Variants in SIM2 observed in about 807,000 individuals in gnomAD.
SIM2 encodes the protein SIM bHLH transcription factor 2.
SIM2 carries 28 observed loss-of-function variants against 64.8 expected under a neutral mutation model. That is an observed-to-expected ratio of 0.43 (90% CI 0.32 to 0.59). SIM2 has a LOEUF of 0.59. SIM2 is among the 20% of genes least tolerant of loss of function. The pLI is 0.07. For synonymous variants in SIM2, 408 were observed against 391.1 expected, an observed-to-expected ratio of 1.04 and a Z score of -0.51; for missense variants, 847 against 871.4, an observed-to-expected ratio of 0.97 and a Z score of 0.35.
Position 36,747,859 on chromosome 21 carries a change from G to A in SIM2, c.1771G>A (p.Ala591Thr), listed in dbSNP as rs1195377905. The A allele has an allele frequency of 8.6e-6, 9 of 1,041,552 alleles. No individual in the cohort carries two copies. The highest frequency in any genetic ancestry group is 1.0e-5 in the Non-Finnish European group (9 of 864,112). The allele number at this position is 1,041,552 out of a possible 1,614,324, so 64.5% of individuals were successfully genotyped here. A position where few individuals can be genotyped will look rare whatever the true frequency, so the allele number is the denominator to read the frequency against. ...GCCCCCGACCCCCGAGGCCCCGGGC[G>A]CGCCGGCGCAGCTGCCCTTCGTGCT... ...CAPPTPEAPG[A>T]PAQLPFVLLN... is the part of the protein sequence containing the mutation. Residue 591 changes from alanine to threonine, a missense_variant, in exon 11 of 11, where the codon GCG becomes ACG. This residue lies in a region of SIM2 where 447 missense variants were observed against 414.6 expected (regional missense o/e 1.08). Coordinates refer to ENST00000290399, the MANE Select transcript of SIM2 (RefSeq NM_005069.6). This position sits in a 1 kb window ranked among gnomAD's most constrained non-coding sequence, Gnocchi z 4.5.
In SIM2 at chr21:36,741,786, T is replaced by C; in HGVS notation, c.920T>C (p.Val307Ala). 1 of 1,612,798 alleles carries C rather than the reference T, an allele frequency of 6.2e-7. No homozygotes were observed. The highest frequency in any genetic ancestry group is 8.5e-7 in the Non-Finnish European group (1 of 1,179,834). ...TCCAAGCGGGGCGGCTGGGTGTGGGTGCAGAGCTACGCCACCGTGGTGCAC... is the reference window on the plus strand; with the variant it reads ...TCCAAGCGGGGCGGCTGGGTGTGGGCGCAGAGCTACGCCACCGTGGTGCAC... ...LLSKRGGWVW[V>A]QSYATVVHNS... Residue 307 changes from valine to alanine, a missense_variant, in exon 8 of 11, where the codon GTG (valine) becomes GCG (alanine). By Grantham distance (64) the Val-to-Ala change is moderately conservative. Around this residue, in one of 3 missense-constraint regions of SIM2, gnomAD observed 397 missense variants for 439.2 expected, o/e 0.90. Coordinates refer to ENST00000290399, the MANE Select transcript of SIM2 (RefSeq NM_005069.6).
At position 36,699,600 on chromosome 21, in the gene SIM2, G is replaced by A; in HGVS notation, c.-147G>A. ...CTGCGGGGAGGCGTCTCGGAACCCC[G>A]GGAGGCCCCCCGCACCTGCCCGCGG... On this transcript the variant is annotated 5_prime_UTR_variant, in exon 1 of 11. Coordinates refer to ENST00000290399, the MANE Select transcript of SIM2 (RefSeq NM_005069.6). The surrounding 1 kb of genome is among the most constrained non-coding windows in gnomAD (Gnocchi z 5.6). The A allele has an allele frequency of 1.3e-6, 1 of 783,878 alleles. No homozygotes were observed. The highest frequency in any genetic ancestry group is 1.9e-6 in the Non-Finnish European group (1 of 534,196). The allele number at this position is 783,878 out of a possible 1,614,324, so 48.6% of individuals were successfully genotyped here.
chr21:36,748,633 A>AT lies in SIM2; in HGVS notation c.*546dup, dbSNP rs894042395. ...TTAAAAGTCATTCAAGAGTCTCATT[A>AT]TTTTTGTTTTTATTTAACCCTTTCT... On this transcript the variant is annotated 3_prime_UTR_variant, in exon 11 of 11. Transcript: ENST00000290399. 3.3e-5 allele frequency: 5 copies of AT among 152,318 alleles called. No individual in the cohort carries two copies. The highest frequency in any genetic ancestry group is 1.2e-4 in the African/African-American group (5 of 41,458). 9.4% of individuals were successfully genotyped at this position (152,318 alleles called of 1,614,324 possible).
At chr21:36,735,350 T>C (rs2089028845) in intron 7 of SIM2, among the ~76,000 whole-genome samples, 1 of 152,252 alleles carries the variant, frequency 6.6e-6, no homozygotes. Context: ...TCATCCAGGC[T>C]GTGTTAAGAT....
chr21:36,703,795 A>G (rs1337685377), intron 1 of SIM2, among the ~76,000 whole-genome samples: 1 of 152,230 alleles, frequency 6.6e-6, no homozygotes, highest in Non-Finnish European at 1.5e-5. Context: ...GGGCTTTGGA[A>G]ACTGCAAAAG....
At position 36,709,209 on chromosome 21, in the gene SIM2, C is replaced by A; in HGVS notation, c.217C>A (p.Leu73Met). Residue 73 changes from leucine (L) to methionine (M), a missense_variant, in exon 2 of 11, where the codon CTG (leucine) becomes ATG (methionine). Physicochemically the swap from Leu to Met is conservative, Grantham distance 15. Coordinates refer to ENST00000290399, the MANE Select transcript of SIM2 (RefSeq NM_005069.6). Reference sequence around the variant, plus strand: ...GGGACAGCCGAGCCGCGCCGGGCCCCTGGACGGCGTCGCCAAGGAGCTGGG... The same window carrying A: ...GGGACAGCCGAGCCGCGCCGGGCCCATGGACGGCGTCGCCAAGGAGCTGGG... Reference protein sequence around the residue: ...AWGQPSRAGPLDGVAKELGSH... With the variant: ...AWGQPSRAGPMDGVAKELGSH... The A allele has an allele frequency of 6.2e-7, 1 of 1,610,600 alleles. No homozygotes were observed. Among genetic ancestry groups the A allele is most frequent in the Non-Finnish European group, 8.5e-7 (1 of 1,178,902 alleles).
chr21:36,731,922 G>A (rs1320759655), intron 7 of SIM2, among the ~76,000 whole-genome samples: 2 of 152,064 alleles, frequency 1.3e-5, no homozygotes, highest in Admixed American at 1.3e-4. Flanking sequence ...TTGTTCTGTT[G>A]CCCAGGCTGG....
At chr21:36,738,531 G>T (rs1454934116) in intron 7 of SIM2, among the ~76,000 whole-genome samples, 1 of 152,226 alleles carries the variant, frequency 6.6e-6, no homozygotes, top group Non-Finnish European at 1.5e-5. Flanking sequence ...GGCAAAAATC[G>T]CAAGTACTTC....
At chr21:36,720,320 TG>T (rs2088808058) in intron 4 of SIM2, 2 of 176,996 alleles carry the variant, frequency 1.1e-5, no homozygotes, top group South Asian at 3.6e-4. Context: ...TGACATTTCA[TG>T]GGGAAAATTA....
chr21:36,723,243 T>A (rs532791310), intron 5 of SIM2, 113 bp downstream of exon 5: 33 of 810,444 alleles, frequency 4.1e-5, no homozygotes, highest in Admixed American at 3.1e-4. Context: ...TCCCCACTAA[T>A]GTAGAGCTCT....
rs111561480 is a variant in SIM2 at position 36,743,462 on chromosome 21, C to T, written c.1074C>T (p.Thr358=). The T allele has an allele frequency of 5.0e-6, 8 of 1,614,046 alleles. No homozygotes were observed. Among genetic ancestry groups the T allele is most frequent in the East Asian group, 4.5e-5 (2 of 44,872 alleles). The part of the protein sequence containing the change: ...STAKSQDSWR[T]ALSTSQETRK... Reference sequence around the variant, plus strand: ...CCAAGTCCCAGGACTCCTGGAGGACCGCCTTGTCTACCTCACAAGAAACTA... The same window carrying T: ...CCAAGTCCCAGGACTCCTGGAGGACTGCCTTGTCTACCTCACAAGAAACTA... Residue 358 remains threonine, a synonymous_variant, in exon 9 of 11, where the codon ACC becomes ACT. Transcript: ENST00000290399.
intron 2 of SIM2, among the ~76,000 whole-genome samples, chr21:36,711,050 G>C (rs1342766084): frequency 2.6e-5 from 4 of 152,184 alleles, no homozygotes; most frequent in Non-Finnish European, 5.9e-5. Flanking sequence ...GTGTGTGGAC[G>C]GGCGTCTTTG....
At chr21:36,702,767 G>A (rs544359991) in intron 1 of SIM2, among the ~76,000 whole-genome samples, 35 of 152,066 alleles carry the variant, frequency 2.3e-4, no homozygotes, top group African/African-American at 8.2e-4. Flanking sequence ...CCCTAGGGAG[G>A]TTTTAGGGCC....
rs751204953 is a variant in SIM2 at position 36,699,572 on chromosome 21, C to CGG, written c.-174_-173dup. 1.0e-3 allele frequency: 540 copies of CGG among 535,920 alleles called. 2 individuals are homozygous for CGG. The highest frequency in any genetic ancestry group is 1.5e-3 in the Non-Finnish European group (482 of 323,626). The allele number at this position is 535,920 out of a possible 1,614,324, so 33.2% of individuals were successfully genotyped here. On this transcript the variant is annotated 5_prime_UTR_variant, in exon 1 of 11. Transcript: ENST00000290399. The surrounding 1 kb of genome is among the most constrained non-coding windows in gnomAD (Gnocchi z 5.6). ...CGGGTTGCTCGGAGCTCAGGCCCGG[C>CGG]GGCTGCGGGGAGGCGTCTCGGAACC...
intron 6 of SIM2, among the ~76,000 whole-genome samples, chr21:36,730,743 T>C (rs2088955061): frequency 6.6e-6 from 1 of 152,176 alleles, no homozygotes; most frequent in African/African-American, 2.4e-5. Flanking sequence ...AGTATCAAAG[T>C]CCACTTGTAA....
At chr21:36,725,643 G>A (rs2088880056) in intron 5 of SIM2, among the ~76,000 whole-genome samples, 1 of 152,094 alleles carries the variant, frequency 6.6e-6, no homozygotes, top group South Asian at 2.1e-4. Flanking sequence ...TTGTTGTCTT[G>A]TGAGTTTGTT....
intron 2 of SIM2, among the ~76,000 whole-genome samples, chr21:36,712,140 A>T (rs1281911168): frequency 1.3e-5 from 2 of 152,242 alleles, no homozygotes; most frequent in African/African-American, 4.8e-5. Flanking sequence ...GCCAATTATG[A>T]CATAAAATGG....
rs553303356 is a variant in SIM2 at position 36,749,526 on chromosome 21, G to A, written c.*1434G>A. ...AATCCCTACAGGGTGTCTGTCAGTG[G>A]GCCTCATGGTAAGAGTCACAATTTG... On this transcript the variant is annotated 3_prime_UTR_variant, in exon 11 of 11. Coordinates refer to ENST00000290399, the MANE Select transcript of SIM2 (RefSeq NM_005069.6). The A allele has an allele frequency of 2.0e-5, 3 of 151,266 alleles. No individual in the cohort carries two copies. Among genetic ancestry groups the A allele is most frequent in the Non-Finnish European group, 2.9e-5 (2 of 67,916 alleles). 9.4% of individuals were successfully genotyped at this position (151,266 alleles called of 1,614,324 possible). A position where few individuals can be genotyped will look rare whatever the true frequency, so the allele number is the denominator to read the frequency against.
chr21:36,710,678 G>A (rs1169693959), intron 2 of SIM2: 1 of 152,174 alleles, frequency 6.6e-6, no homozygotes, highest in Admixed American at 6.5e-5. Flanking sequence ...TTTCCAAAAA[G>A]CAGATCTTTT....
Sources: allele counts gnomAD v4.1 joint callset (sites outside exome capture counted in the v4.1 genomes callset), GRCh38; gene constraint gnomAD v4.1.1; regional missense constraint gnomAD v4.1.1; non-coding constraint Gnocchi (gnomAD v3.1); transcripts MANE v1.5; gene names NCBI Gene and HGNC (gene_info 2026-07-23, HGNC 2026-07-21).